ARK2N: variants seen among roughly 807,000 people sequenced by gnomAD.
ARK2N encodes protein ARK2N.
chr18:46,223,702 A>G, the ARK2N span, among the ~76,000 whole-genome samples: 1 of 152,206 alleles, frequency 6.6e-6, no homozygotes. Context: ...GATTCCATCA[A>G]TCATTCTTTT....
the ARK2N span, chr18:46,266,662 G>C: frequency 6.6e-6 from 1 of 152,622 alleles, no homozygotes; most frequent in Non-Finnish European, 1.5e-5. Context: ...CCATTGTATG[G>C]CTAGGAACCA....
At chr18:46,174,960 G>A in the ARK2N span, among the ~76,000 whole-genome samples, 1 of 152,244 alleles carries the variant, frequency 6.6e-6, no homozygotes, top group Non-Finnish European at 1.5e-5. Context: ...GGCGCCTCCA[G>A]TCAATGCGAG....
chr18:46,264,016 G>A, the ARK2N span: 1 of 152,266 alleles, frequency 6.6e-6, no homozygotes, highest in Non-Finnish European at 1.5e-5. Context: ...GCAAATCCGA[G>A]AGGAAAGTGC....
chr18:46,176,974 C>T, the ARK2N span, among the ~76,000 whole-genome samples: 1 of 152,186 alleles, frequency 6.6e-6, no homozygotes, highest in African/African-American at 2.4e-5. Flanking sequence ...TTGTCTTGAA[C>T]TCTTGGGCTC....
chr18:46,182,770 G>A, the ARK2N span, among the ~76,000 whole-genome samples: 4 of 149,294 alleles, frequency 2.7e-5, no homozygotes, highest in East Asian at 7.9e-4. Flanking sequence ...TGCAGGTCCA[G>A]GTACATGCCA....
the ARK2N span, among the ~76,000 whole-genome samples, chr18:46,252,369 TG>T: frequency 6.6e-6 from 1 of 150,942 alleles, no homozygotes; most frequent in African/African-American, 2.4e-5. Flanking sequence ...CTCTGCTTCC[TG>T]GGTTCAAGCA....
chr18:46,251,142 T>A, the ARK2N span, among the ~76,000 whole-genome samples: 5 of 152,238 alleles, frequency 3.3e-5, no homozygotes. Context: ...AAAGACTGTT[T>A]GAATTATTGA....
chr18:46,184,279 T>G, the ARK2N span, among the ~76,000 whole-genome samples: 3 of 152,088 alleles, frequency 2.0e-5, no homozygotes, highest in African/African-American at 7.2e-5. Flanking sequence ...TGTAAGCCAC[T>G]GCGCCCAGCA....
chr18:46,193,606 T>TG, the ARK2N span, among the ~76,000 whole-genome samples: 1 of 143,416 alleles, frequency 7.0e-6, no homozygotes, highest in Non-Finnish European at 1.5e-5. Flanking sequence ...TTTTTTTTTT[T>TG]TTTTTTTTTA....
the ARK2N span, chr18:46,228,863 G>T: frequency 7.5e-6 from 3 of 398,368 alleles, no homozygotes; most frequent in African/African-American, 6.2e-5. Flanking sequence ...TTCGCACCTG[G>T]CCTAAAACAT....
At chr18:46,177,872 C>G in the ARK2N span, among the ~76,000 whole-genome samples, 3 of 152,256 alleles carry the variant, frequency 2.0e-5, no homozygotes. Flanking sequence ...CGCTGCACTC[C>G]AGCCTGGGCA....
chr18:46,214,600 A>G, the ARK2N span, among the ~76,000 whole-genome samples: 1 of 152,252 alleles, frequency 6.6e-6, no homozygotes, highest in Non-Finnish European at 1.5e-5. Context: ...AACTGTATAT[A>G]GGTCATAAGC....
chr18:46,261,705 C>CG, the ARK2N span, among the ~76,000 whole-genome samples: 1 of 152,160 alleles, frequency 6.6e-6, no homozygotes, highest in African/African-American at 2.4e-5. Context: ...GGACAGATGA[C>CG]GGGCTTCTGG....
the ARK2N span, among the ~76,000 whole-genome samples, chr18:46,184,474 C>T: frequency 6.6e-6 from 1 of 151,998 alleles, no homozygotes; most frequent in South Asian, 2.1e-4. Flanking sequence ...GTCATCTCAG[C>T]ACTTTGGGAG....
At chr18:46,256,568 C>T in the ARK2N span, among the ~76,000 whole-genome samples, 4 of 152,088 alleles carry the variant, frequency 2.6e-5, no homozygotes, top group Non-Finnish European at 5.9e-5. Flanking sequence ...TTTTAAATAA[C>T]GTTACATTAT....
chr18:46,189,565 G>A, the ARK2N span, among the ~76,000 whole-genome samples: 2 of 152,152 alleles, frequency 1.3e-5, no homozygotes, highest in Non-Finnish European at 2.9e-5. Flanking sequence ...AGTTGGTACT[G>A]CAGGCACATG....
the ARK2N span, among the ~76,000 whole-genome samples, chr18:46,196,229 C>T: frequency 0.017 from 2,648 of 152,018 alleles, 72 homozygotes; most frequent in African/African-American, 0.06. Context: ...ATCCACCCGC[C>T]TCGGCCTCCC....
chr18:46,257,065 C>A, the ARK2N span, among the ~76,000 whole-genome samples: 2 of 152,256 alleles, frequency 1.3e-5, no homozygotes, highest in East Asian at 3.9e-4. Context: ...GGTTTTGATC[C>A]ACATCTTTTT....
chr18:46,216,439 A>C, the ARK2N span: 1 of 1,614,144 alleles, frequency 6.2e-7, no homozygotes, highest in Non-Finnish European at 8.5e-7. The surrounding 1 kb of genome is among the most constrained non-coding windows in gnomAD (Gnocchi z 4.3). Context: ...CAGGCTACTG[A>C]GGCAGAAACG....
Sources: gnomAD v4.1 joint callset for allele counts (sites outside exome capture counted in the v4.1 genomes callset) on GRCh38, gnomAD v4.1.1 for gene constraint, Gnocchi (gnomAD v3.1) non-coding constraint, MANE v1.5 for transcripts, NCBI Gene and HGNC (gene_info 2026-07-23, HGNC 2026-07-21) for gene names.